Variants in ARHGAP25 observed in about 807,000 individuals in gnomAD.
The protein encoded by ARHGAP25 is Rho GTPase activating protein 25.
A neutral mutation model predicts 71.0 loss-of-function variants in ARHGAP25; 34 were observed. That is an observed-to-expected ratio of 0.48 (90% CI 0.36 to 0.64). The LOEUF is 0.64. Ranked by LOEUF, ARHGAP25 falls within the 30% of genes least tolerant of loss-of-function variation. ARHGAP25 has a pLI of 0.00. For missense variants in ARHGAP25, 706 were observed against 805.1 expected (o/e 0.88, Z 1.49); for synonymous variants, 282 against 296.5 (o/e 0.95, Z 0.50).
intron 5 of ARHGAP25, among the ~76,000 whole-genome samples, chr2:68,808,531 C>A (rs906809428): frequency 2.0e-5 from 3 of 152,280 alleles, no homozygotes; most frequent in African/African-American, 7.2e-5. Context: ...GTCTTTCTTG[C>A]CCTTAATAAG....
chr2:68,786,164 A>G (rs1031948363), intron 3 of ARHGAP25, among the ~76,000 whole-genome samples: 11 of 152,186 alleles, frequency 7.2e-5, no homozygotes, highest in Non-Finnish European at 1.5e-4. Context: ...TTCATTCAGG[A>G]ACATCTTGAG....
At chr2:68,717,859 C>T (rs1481997703) in intron 2 of ARHGAP25, among the ~76,000 whole-genome samples, 4 of 152,256 alleles carry the variant, frequency 2.6e-5, no homozygotes, top group Admixed American at 2.6e-4. Flanking sequence ...TAAATTTATT[C>T]TTCCTTTCCA....
chr2:68,723,768 C>T (rs1240560925), intron 2 of ARHGAP25, among the ~76,000 whole-genome samples: 2 of 152,272 alleles, frequency 1.3e-5, no homozygotes, highest in South Asian at 4.1e-4. Context: ...CCAGGCCCTT[C>T]AGGGTGGTTT....
chr2:68,806,536 T>C (rs534141134), intron 4 of ARHGAP25, among the ~76,000 whole-genome samples: 1 of 152,256 alleles, frequency 6.6e-6, no homozygotes, highest in African/African-American at 2.4e-5. Context: ...AACTACTAAG[T>C]ATAACTGAGA....
chr2:68,716,221 G>C (rs964535454), intron 2 of ARHGAP25, among the ~76,000 whole-genome samples: 1 of 152,182 alleles, frequency 6.6e-6, no homozygotes, highest in Non-Finnish European at 1.5e-5. Flanking sequence ...GGAGTGTTTG[G>C]CTTGCCAACT....
At chr2:68,809,421 C>T (rs950871709) in intron 5 of ARHGAP25, among the ~76,000 whole-genome samples, 1 of 152,158 alleles carries the variant, frequency 6.6e-6, no homozygotes, top group Non-Finnish European at 1.5e-5. Flanking sequence ...CAAATTAACT[C>T]TGAAGTGAAA....
chr2:68,791,101 C>G (rs1430449448), intron 4 of ARHGAP25, among the ~76,000 whole-genome samples: 2 of 152,194 alleles, frequency 1.3e-5, no homozygotes, highest in Non-Finnish European at 2.9e-5. Flanking sequence ...CAAACATCAC[C>G]TTAGTAGGCC....
intron 1 of ARHGAP25, among the ~76,000 whole-genome samples, chr2:68,762,043 T>A (rs1404862479): frequency 6.6e-6 from 1 of 152,200 alleles, no homozygotes. Context: ...ATAGAATGTA[T>A]TCAGCCTTAA....
At chr2:68,764,954 C>T (rs945030176) in intron 1 of ARHGAP25, among the ~76,000 whole-genome samples, 4 of 151,932 alleles carry the variant, frequency 2.6e-5, no homozygotes, top group African/African-American at 9.7e-5. Context: ...TGAGCTAGTC[C>T]CTTTGTCATT....
intron 2 of ARHGAP25, among the ~76,000 whole-genome samples, chr2:68,778,792 G>A (rs543231979): frequency 6.6e-6 from 1 of 152,184 alleles, no homozygotes; most frequent in African/African-American, 2.4e-5. Flanking sequence ...CCTAGCGTCC[G>A]GCAAAGGAGA....
At chr2:68,808,593 G>A (rs1249011542) in intron 5 of ARHGAP25, among the ~76,000 whole-genome samples, 2 of 152,154 alleles carry the variant, frequency 1.3e-5, no homozygotes, top group Admixed American at 6.5e-5. Flanking sequence ...AAGAGATGGG[G>A]TTCTTATTGG....
intron 4 of ARHGAP25, among the ~76,000 whole-genome samples, chr2:68,804,340 T>C (rs1680208731): frequency 6.6e-6 from 1 of 152,152 alleles, no homozygotes. Flanking sequence ...TTTCAACTGT[T>C]CCAAGAGACA....
chr2:68,777,758 A>G (rs183768689), intron 2 of ARHGAP25, among the ~76,000 whole-genome samples: 1 of 152,326 alleles, frequency 6.6e-6, no homozygotes, highest in East Asian at 1.9e-4. Context: ...TAGGAATACA[A>G]TAATAATTTC....
chr2:68,784,820 A>G (rs142297903), intron 3 of ARHGAP25, among the ~76,000 whole-genome samples: 2 of 152,366 alleles, frequency 1.3e-5, no homozygotes, highest in African/African-American at 4.8e-5. Flanking sequence ...ATATATGGGC[A>G]AATTATGTAG....
At chr2:68,776,367 T>C (rs1217794230) in intron 2 of ARHGAP25, among the ~76,000 whole-genome samples, 1 of 151,908 alleles carries the variant, frequency 6.6e-6, no homozygotes, top group Non-Finnish European at 1.5e-5. Context: ...CAGTTTTTGG[T>C]TTAAATTGTA....
At chr2:68,772,999 G>A (rs58873507) in intron 1 of ARHGAP25, among the ~76,000 whole-genome samples, 5,055 of 152,272 alleles carry the variant, frequency 0.033, 263 homozygotes, top group African/African-American at 0.11. Flanking sequence ...GTCTTGCAAC[G>A]TGGGATACAA....
intron 1 of ARHGAP25, among the ~76,000 whole-genome samples, chr2:68,739,481 A>G (rs75547566): frequency 6.6e-6 from 1 of 152,086 alleles, no homozygotes. Context: ...AAGGCCCACT[A>G]TGGGGGTGTT....
At chr2:68,816,066 T>A (rs1412861768) in intron 6 of ARHGAP25, 6 of 590,234 alleles carry the variant, frequency 1.0e-5, no homozygotes, top group Admixed American at 2.5e-5. Flanking sequence ...TACATATAAA[T>A]AAAAGTATAC....
intron 1 of ARHGAP25, among the ~76,000 whole-genome samples, chr2:68,764,897 A>C (rs769970105): frequency 2.0e-5 from 3 of 152,058 alleles, no homozygotes; most frequent in Non-Finnish European, 4.4e-5. Flanking sequence ...TGCAGATAGA[A>C]TCCTTCTTTA....
Sources: allele counts gnomAD v4.1 joint callset (sites outside exome capture counted in the v4.1 genomes callset), GRCh38; gene constraint gnomAD v4.1.1; transcripts MANE v1.5; gene names NCBI Gene and HGNC (gene_info 2026-07-23, HGNC 2026-07-21).